Variants in NTM observed in about 807,000 individuals in gnomAD.
NTM encodes IgLON family member 2.
NTM carries 13 observed loss-of-function variants against 42.1 expected under a neutral mutation model. That is an observed-to-expected ratio of 0.31 (90% CI 0.20 to 0.49). The LOEUF (loss-of-function observed/expected upper bound fraction) is 0.49. Among genes scored for constraint, NTM ranks in the 20% least tolerant of loss-of-function variants. The pLI, the probability that NTM is intolerant of heterozygous loss-of-function variation, is 0.99. For missense variants in NTM, 373 were observed against 452.8 expected, an observed-to-expected ratio of 0.82 and a Z score of 1.60; for synonymous variants, 187 against 179.2, an observed-to-expected ratio of 1.04 and a Z score of -0.35.
chr11:131,424,595 C>CTTTT (rs1446801058), intron 1 of NTM, among the ~76,000 whole-genome samples: 7 of 39,618 alleles, frequency 1.8e-4, no homozygotes, highest in African/African-American at 5.4e-4. Context: ...TATTTCTTTT[C>CTTTT]TTTTCTTTTT....
chr11:131,675,461 A>G (rs2071212991), intron 1 of NTM, among the ~76,000 whole-genome samples: 2 of 152,238 alleles, frequency 1.3e-5, no homozygotes, highest in South Asian at 4.1e-4. Context: ...GCATTAATTA[A>G]TCATTGCTTG....
intron 3 of NTM, among the ~76,000 whole-genome samples, chr11:132,184,658 A>G (rs2078116570): frequency 6.6e-6 from 1 of 152,182 alleles, no homozygotes; most frequent in African/African-American, 2.4e-5. Context: ...CCAGAGAAAG[A>G]CTAGGATTTG....
intron 4 of NTM, among the ~76,000 whole-genome samples, chr11:132,293,180 G>C (rs1049991846): frequency 6.6e-6 from 1 of 152,152 alleles, no homozygotes; most frequent in Admixed American, 6.5e-5. Flanking sequence ...GAAGTCAGTA[G>C]AGAACAGAAA....
intron 2 of NTM, among the ~76,000 whole-genome samples, chr11:131,959,131 T>C (rs1353954528): frequency 6.6e-6 from 1 of 152,212 alleles, no homozygotes; most frequent in African/African-American, 2.4e-5. Flanking sequence ...GGATGTTCTG[T>C]GCTGAGGTGG....
At chr11:131,543,100 T>C (rs774535557) in intron 1 of NTM, among the ~76,000 whole-genome samples, 1 of 152,198 alleles carries the variant, frequency 6.6e-6, no homozygotes, top group Non-Finnish European at 1.5e-5. Flanking sequence ...TGAACGTATC[T>C]CCTACCTTAA....
At chr11:131,424,734 T>C (rs997910430) in intron 1 of NTM, among the ~76,000 whole-genome samples, 3 of 140,110 alleles carry the variant, frequency 2.1e-5, no homozygotes, top group African/African-American at 8.0e-5. Context: ...TAATTTTTTT[T>C]TTTTTTTTGT....
chr11:131,754,585 A>G (rs1174909673), intron 1 of NTM, among the ~76,000 whole-genome samples: 3 of 151,392 alleles, frequency 2.0e-5, no homozygotes, highest in Non-Finnish European at 4.4e-5. Context: ...AGATTGCACC[A>G]CTGCACTCCA....
In NTM at chr11:132,314,658, G is replaced by A; in HGVS notation, c.889G>A (p.Ala297Thr). ...EHDYGNYTCV[A>T]SNKLGHTNAS... ...TGACTATGGGAACTACACTTGCGTG[G>A]CCTCCAACAAGCTGGGCCACACCAA... Residue 297 changes from alanine (A) to threonine (T), a missense_variant, in exon 7 of 9, where the codon GCC becomes ACC. Ala to Thr is a moderately conservative substitution (Grantham distance 58). Coordinates refer to ENST00000683400, the MANE Select transcript of NTM (RefSeq NM_001352005.2). The A allele has an allele frequency of 1.2e-6, 2 of 1,613,776 alleles. No homozygotes were observed. The highest frequency in any genetic ancestry group is 1.7e-6 in the Non-Finnish European group (2 of 1,179,886).
At chr11:131,642,165 G>A (rs1252800964) in intron 1 of NTM, among the ~76,000 whole-genome samples, 1 of 152,164 alleles carries the variant, frequency 6.6e-6, no homozygotes, top group African/African-American at 2.4e-5. Context: ...GGAGCAGTTG[G>A]TCAGGCTGGA....
intron 3 of NTM, among the ~76,000 whole-genome samples, chr11:132,170,162 T>C (rs893407469): frequency 2.0e-5 from 3 of 152,206 alleles, no homozygotes; most frequent in Admixed American, 6.5e-5. Context: ...ATAGAAACAA[T>C]GTGAAGATCA....
chr11:132,000,411 T>A (rs1332334417), intron 2 of NTM, among the ~76,000 whole-genome samples: 1 of 152,242 alleles, frequency 6.6e-6, no homozygotes, highest in East Asian at 1.9e-4. Flanking sequence ...CCTCATGCTA[T>A]TCTTCCTGAG....
intron 2 of NTM, among the ~76,000 whole-genome samples, chr11:131,965,860 A>C (rs79546085): frequency 0.018 from 2,659 of 151,378 alleles, 211 homozygotes; most frequent in Admixed American, 0.13. Context: ...ACTGCATAAG[A>C]ATACTAAATA....
In NTM at chr11:132,089,215, G is replaced by A. The variant is rs541827719; in HGVS notation, c.168-57067G>A. Among the ~76,000 whole-genome samples the A allele has an allele frequency of 1.1e-4, 17 of 152,328 alleles. No homozygotes were observed. The South Asian group carries it at 3.5e-3, about 32-fold the overall frequency. On this transcript the variant is annotated intron_variant, in intron 2 of 8. Coordinates refer to ENST00000683400, the MANE Select transcript of NTM (RefSeq NM_001352005.2). ...GGATCCCAAGAAACTGTTACCATGA[G>A]CCTTGCTCTTGACTGGTGCACTTTG...
intron 1 of NTM, among the ~76,000 whole-genome samples, chr11:131,488,744 C>T (rs1005805478): frequency 1.3e-5 from 2 of 152,144 alleles, no homozygotes; most frequent in Admixed American, 1.3e-4. Flanking sequence ...CCCATTATTA[C>T]ATCAAACCAA....
intron 1 of NTM, among the ~76,000 whole-genome samples, chr11:131,449,298 GT>G (rs1172202994): frequency 6.6e-6 from 1 of 152,224 alleles, no homozygotes; most frequent in East Asian, 1.9e-4. Context: ...GGGTGACCAG[GT>G]GTGGCTGCTC....
At chr11:131,840,284 A>T (rs554239678) in intron 1 of NTM, among the ~76,000 whole-genome samples, 8 of 152,298 alleles carry the variant, frequency 5.3e-5, no homozygotes, top group African/African-American at 1.7e-4. Context: ...AATATTAAGG[A>T]TTAGGTGAGC....
At chr11:132,153,612 G>GGTT (rs1291032184) in intron 3 of NTM, among the ~76,000 whole-genome samples, 1 of 152,186 alleles carries the variant, frequency 6.6e-6, no homozygotes, top group Non-Finnish European at 1.5e-5. Flanking sequence ...CAAAGATTCT[G>GGTT]GTTGTTCCTC....
chr11:131,862,466 C>A (rs2046743057), intron 1 of NTM, among the ~76,000 whole-genome samples: 1 of 152,176 alleles, frequency 6.6e-6, no homozygotes, highest in Non-Finnish European at 1.5e-5. Context: ...CTTCATTCTG[C>A]ATATTTATTG....
rs1240225505 is a variant in NTM, at chr11:132,189,698, AGTGT to A, written c.401-22318_401-22315del. ...CACACGATACTTGAGTGCCTTTTGG[AGTGT>A]GTGTGACAGCAATGGTTTAATCACT... On this transcript the variant is annotated intron_variant, in intron 3 of 8. Coordinates refer to ENST00000683400, the MANE Select transcript of NTM (RefSeq NM_001352005.2). Among the ~76,000 whole-genome samples, 7 of 152,124 alleles carry A rather than the reference AGTGT, an allele frequency of 4.6e-5. No individual in the cohort carries two copies. The East Asian group carries it at 7.7e-4, about 17-fold the overall frequency.
Sources: gnomAD v4.1 joint callset for allele counts (sites outside exome capture counted in the v4.1 genomes callset) on GRCh38, gnomAD v4.1.1 for gene constraint, MANE v1.5 for transcripts, NCBI Gene and HGNC (gene_info 2026-07-23, HGNC 2026-07-21) for gene names.